The following YIF1B variants were observed in gnomAD, a reference collection of about 807,000 sequenced individuals.
The protein encoded by YIF1B is protein YIF1B.
In YIF1B, 24 loss-of-function variants were observed where a neutral mutation model predicts 34.6. That is an observed-to-expected ratio of 0.69 (90% CI 0.50 to 0.98). The LOEUF is 0.98. Ranked by LOEUF, YIF1B falls within the 50% of genes least tolerant of loss-of-function variation. The pLI, the probability that YIF1B is intolerant of heterozygous loss-of-function variation, is 0.00. For missense variants in YIF1B, 368 were observed against 429.4 expected, an observed-to-expected ratio of 0.86 and a Z score of 1.26; for synonymous variants, 186 against 184.8, an observed-to-expected ratio of 1.01 and a Z score of -0.05.
Position 38,309,229 on chromosome 19 carries a change from G to A in YIF1B, c.397C>T (p.His133Tyr), listed in dbSNP as rs151115343. The A allele has an allele frequency of 1.9e-6, 3 of 1,613,854 alleles. No individual in the cohort carries two copies. The highest frequency in any genetic ancestry group is 2.5e-6 in the Non-Finnish European group (3 of 1,179,950). The change falls in exon 3 of 8, where the codon CAC becomes TAC. Residue 133 changes from histidine (H) to tyrosine (Y), a missense_variant. Transcript: ENST00000339413. ...KLGLLFFPYL[H>Y]QDWEVQYQQD... is the part of the protein sequence containing the mutation. The stretch of plus-strand genomic sequence containing the variant: ...ATTCCCCTGGGGGTGCTGACCTGGT[G>A]TAGGTAGGGGAAGAACAGCAGGCCC...
At chr19:38,312,353 G>A (rs891720249) in intron 1 of YIF1B, among the ~76,000 whole-genome samples, 6 of 148,914 alleles carry the variant, frequency 4.0e-5, no homozygotes, top group African/African-American at 1.5e-4. Context: ...GGATGTCAAG[G>A]CTGCAGTGCC....
chr19:38,311,286 CAAA>C (rs966756929), intron 1 of YIF1B, among the ~76,000 whole-genome samples: 1 of 125,514 alleles, frequency 8.0e-6, no homozygotes, highest in African/African-American at 2.9e-5. Context: ...GACCCTGTCT[CAAA>C]AAAAAAAAAC....
chr19:38,309,266 C>T lies in YIF1B; in HGVS notation c.360G>A (p.Val120=). The T allele has an allele frequency of 1.9e-6, 3 of 1,614,090 alleles. No individual in the cohort carries two copies. The highest frequency in any genetic ancestry group is 4.5e-5 in the East Asian group (2 of 44,880). Residue 120 remains valine, a synonymous_variant, in exon 3 of 8, where the codon GTG becomes GTA. Coordinates refer to ENST00000339413, the MANE Select transcript of YIF1B (RefSeq NM_001039672.3). ...KYYFAVDTMY[V]GRKLGLLFFP... ...AGAACAGCAGGCCCAGCTTTCTGCC[C>T]ACATACATGGTGTCCACAGCAAAGT...
In YIF1B at chr19:38,309,614, G is replaced by A; in HGVS notation, c.88C>T (p.Pro30Ser). The change falls in exon 2 of 8, where the codon CCG (proline) becomes TCG (serine). Residue 30 changes from proline (P) to serine (S), a missense_variant. Physicochemically the swap from Pro to Ser is moderately conservative, Grantham distance 74. Transcript: ENST00000339413. ...AGCTGGTGGGGGTCGGCCATGCCCGGCTGGGACACAGGGATCCTCCGCTTC... is the reference window on the plus strand; with the variant it reads ...AGCTGGTGGGGGTCGGCCATGCCCGACTGGGACACAGGGATCCTCCGCTTC... ...PSKRRIPVSQ[P>S]GMADPHQLFD... The A allele has an allele frequency of 6.3e-7, 1 of 1,599,732 alleles. No homozygotes were observed. The highest frequency in any genetic ancestry group is 1.1e-5 in the South Asian group (1 of 88,808).
chr19:38,310,176 T>TCATCCATCCACC (rs1330813951), intron 1 of YIF1B, among the ~76,000 whole-genome samples: 1 of 100,314 alleles, frequency 1.0e-5, no homozygotes, highest in Admixed American at 9.7e-5. Flanking sequence ...ATCCATCCAT[T>TCATCCATCCACC]CATCCATCCA....
chr19:38,320,379 C>G (rs891721331), upstream of YIF1B: 7 of 1,201,702 alleles, frequency 5.8e-6, no homozygotes, highest in Non-Finnish European at 8.0e-6. Flanking sequence ...CCAATCCCCT[C>G]TGGGCTTCGG....
In YIF1B at chr19:38,304,424, A is replaced by G. The variant is rs771859056; in HGVS notation, c.*928T>C. On this transcript the variant is annotated 3_prime_UTR_variant, in exon 8 of 8. Coordinates refer to ENST00000339413, the MANE Select transcript of YIF1B (RefSeq NM_001039672.3). The stretch of plus-strand genomic sequence containing the variant: ...CCGGTGTGGGGGCGGGCCACGGGGG[A>G]GATCCCAAGCTCAGTCCCCACAAAG... 6.4e-7 allele frequency: 1 copy of G among 1,561,322 alleles called. No homozygotes were observed. The highest frequency in any genetic ancestry group is 1.2e-5 in the South Asian group (1 of 85,266).
chr19:38,308,762 CTTAT>C, intron 5 of YIF1B, 26 bp downstream of exon 5: 1 of 1,613,700 alleles, frequency 6.2e-7, no homozygotes. Context: ...CAAACCCCAC[CTTAT>C]TCGGCCTGCC....
rs1600367140 is a variant in YIF1B at position 38,304,295 on chromosome 19, G to C, written c.*1057C>G. On this transcript the variant is annotated 3_prime_UTR_variant, in exon 8 of 8. Coordinates refer to ENST00000339413, the MANE Select transcript of YIF1B (RefSeq NM_001039672.3). ...CGACCTGGGAGCAGGTGAGCTCCTGGGGAGTGTGGACTGGAGGTGCAGGGG... is the reference window on the plus strand; with the variant it reads ...CGACCTGGGAGCAGGTGAGCTCCTGCGGAGTGTGGACTGGAGGTGCAGGGG... The C allele has an allele frequency of 1.2e-6, 2 of 1,613,782 alleles. No homozygotes were observed. Among genetic ancestry groups the C allele is most frequent in the East Asian group, 4.5e-5 (2 of 44,884 alleles).
intron 7 of YIF1B, among the ~76,000 whole-genome samples, chr19:38,306,204 C>CAAAAAAAA (rs1174694534): frequency 3.5e-5 from 1 of 28,708 alleles, no homozygotes; most frequent in African/African-American, 1.4e-4. Flanking sequence ...CTCTGTCTCA[C>CAAAAAAAA]AAAAAAAAAA....
chr19:38,304,905 G>A lies in YIF1B; in HGVS notation c.*447C>T, dbSNP rs1254579970. The A allele has an allele frequency of 6.5e-7, 1 of 1,538,886 alleles. No homozygotes were observed. Among genetic ancestry groups the A allele is most frequent in the Admixed American group, 1.8e-5 (1 of 55,810 alleles). On this transcript the variant is annotated 3_prime_UTR_variant, in exon 8 of 8. Coordinates refer to ENST00000339413, the MANE Select transcript of YIF1B (RefSeq NM_001039672.3). Reference sequence around the variant, plus strand: ...CCCGGGCAAGGCCAAGAAGCCCAAAGTGAAGAAGAAGGAGAAGGGCAAGAA... The same window carrying A: ...CCCGGGCAAGGCCAAGAAGCCCAAAATGAAGAAGAAGGAGAAGGGCAAGAA...
rs904801905 is a variant in YIF1B at position 38,303,919 on chromosome 19, T to G, written c.*1433A>C. Among the ~76,000 whole-genome samples the G allele has an allele frequency of 1.3e-5, 2 of 152,192 alleles. No homozygotes were observed. Among genetic ancestry groups the G allele is most frequent in the African/African-American group, 4.8e-5 (2 of 41,442 alleles). On this transcript the variant is annotated 3_prime_UTR_variant, in exon 8 of 8. Coordinates refer to ENST00000339413, the MANE Select transcript of YIF1B (RefSeq NM_001039672.3). ...CGCGGAGGAAGCTGTATTGTCGCGG[T>G]ACGCAGGAAGGCAGGGGCAGCACCT...
At chr19:38,316,812 C>T (rs117638733), upstream of YIF1B, among the ~76,000 whole-genome samples, 488 of 152,266 alleles carry the variant, frequency 3.2e-3, 9 homozygotes, top group East Asian at 0.03. Flanking sequence ...AGGCATGCAC[C>T]ACCATGCCCA....
rs1424258888 is a variant in YIF1B, at chr19:38,304,411, C to T, written c.*941G>A. The stretch of plus-strand genomic sequence containing the variant: ...ACCTCCCAGAAGCCCGGTGTGGGGG[C>T]GGGCCACGGGGGAGATCCCAAGCTC... On this transcript the variant is annotated 3_prime_UTR_variant, in exon 8 of 8. Transcript: ENST00000339413. 1.9e-6 allele frequency: 3 copies of T among 1,565,732 alleles called. No homozygotes were observed. The highest frequency in any genetic ancestry group is 1.9e-5 in the Admixed American group (1 of 51,842).
At chr19:38,317,173 C>T (rs145031808), upstream of YIF1B, 1,275 of 152,526 alleles carry the variant, frequency 8.4e-3, 19 homozygotes, top group South Asian at 0.021. Context: ...GAGCCCTGCC[C>T]ACCTAGCGTC....
intron 7 of YIF1B, chr19:38,307,175 GC>G: frequency 1.8e-6 from 1 of 544,576 alleles, no homozygotes; most frequent in Non-Finnish European, 3.4e-6. Flanking sequence ...GAGAGTGAGA[GC>G]CCAGCCTGGA....
At chr19:38,309,684 T>A (rs1969232501) in intron 1 of YIF1B, 41 bp from the exon 2 acceptor site, 1 of 1,569,756 alleles carries the variant, frequency 6.4e-7, no homozygotes, top group Non-Finnish European at 8.6e-7. Flanking sequence ...GGACCCAGGA[T>A]AGGTAAGGGA....
chr19:38,319,734 C>T, upstream of YIF1B: 1 of 512,346 alleles, frequency 2.0e-6, no homozygotes, highest in African/African-American at 2.0e-5. Context: ...GCTCCACCCT[C>T]TCCGAACGAA....
At chr19:38,318,341 T>C (rs980025804), upstream of YIF1B, among the ~76,000 whole-genome samples, 2 of 151,912 alleles carry the variant, frequency 1.3e-5, no homozygotes, top group Non-Finnish European at 2.9e-5. Flanking sequence ...TGGAGTGCAG[T>C]GGTGCGACCA....
Sources: gnomAD v4.1 joint callset for allele counts (sites outside exome capture counted in the v4.1 genomes callset) on GRCh38, gnomAD v4.1.1 for gene constraint, MANE v1.5 for transcripts, NCBI Gene and HGNC (gene_info 2026-07-23, HGNC 2026-07-21) for gene names.